The following SNAPC4 variants were observed in gnomAD, a reference collection of about 807,000 sequenced individuals.
SNAPC4 encodes the protein snRNA-activating protein complex subunit 4.
A neutral mutation model predicts 151.3 loss-of-function variants in SNAPC4; 127 were observed. That is an observed-to-expected ratio of 0.84 (90% confidence interval 0.73 to 0.97). The LOEUF is 0.97. SNAPC4 is among the 50% of genes least tolerant of loss of function. The probability of loss-of-function intolerance (pLI) is 0.00; values close to 1 mark genes in which losing one functional copy is unlikely to be tolerated. For synonymous variants in SNAPC4, 1,002 were observed against 824.4 expected, an observed-to-expected ratio of 1.22 and a Z score of -3.69; for missense variants, 2,186 against 1,935.0, an observed-to-expected ratio of 1.13 and a Z score of -2.43.
Position 136,380,902 on chromosome 9 carries a change from G to A in SNAPC4, c.2389-52C>T, listed in dbSNP as rs775668950. 67 of 1,118,484 alleles carry A rather than the reference G, an allele frequency of 6.0e-5. No individual in the cohort carries two copies. In the Middle Eastern group the frequency reaches 1.9e-3, roughly 32 times the overall value. 69.3% of individuals were successfully genotyped at this position (1,118,484 alleles called of 1,614,324 possible). On this transcript the variant is annotated intron_variant, in intron 19 of 23. Coordinates refer to ENST00000684778, the MANE Select transcript of SNAPC4 (RefSeq NM_003086.4). Reference sequence around the variant, plus strand: ...CATAGCTGCTTTCGGGAGCAGCTCCGAAGCTCCAGAGGCCTAGGCAGAACC... The same window carrying A: ...CATAGCTGCTTTCGGGAGCAGCTCCAAAGCTCCAGAGGCCTAGGCAGAACC...
intron 4 of SNAPC4, 32 bp from the exon 5 acceptor site, chr9:136,395,455 T>C (rs1319495051): frequency 2.5e-6 from 4 of 1,605,356 alleles, no homozygotes; most frequent in Non-Finnish European, 2.6e-6. Context: ...GACCCCTCTA[T>C]GGACCAGCAG....
chr9:136,391,827 A>T, intron 10 of SNAPC4, 115 bp downstream of exon 10: 1 of 1,167,656 alleles, frequency 8.6e-7, no homozygotes, highest in Non-Finnish European at 1.2e-6. Flanking sequence ...GGCAACACAT[A>T]GAAACCTGGC....
In SNAPC4 at chr9:136,378,418, G is replaced by A. The variant is rs769165497; in HGVS notation, c.3409C>T (p.Pro1137Ser). ...APALSSSWQP[P>S]ANMNREPEPS... ...TCCGGTTCCCTGTTCATATTGGCTG[G>A]GGGCTGCCAAGAGCTGCTCAACGCT... Residue 1137 changes from proline to serine, a missense_variant, in exon 22 of 24, where the codon CCA becomes TCA. Pro to Ser is a moderately conservative substitution (Grantham distance 74, BLOSUM62 -1). Coordinates refer to ENST00000684778, the MANE Select transcript of SNAPC4 (RefSeq NM_003086.4). The A allele has an allele frequency of 1.2e-5, 19 of 1,603,056 alleles. No individual in the cohort carries two copies. The African/African-American group carries it at 2.4e-4, about 20-fold the overall frequency.
At chr9:136,379,945 C>A in intron 20 of SNAPC4, 81 bp from the exon 21 acceptor site, 1 of 1,471,554 alleles carries the variant, frequency 6.8e-7, no homozygotes, top group South Asian at 1.2e-5. Context: ...CTGGACTATC[C>A]CCTGCCACTC....
rs766970879 is a variant in SNAPC4 at position 136,383,290 on chromosome 9, G to A, written c.1879C>T (p.Pro627Ser). The change falls in exon 16 of 24, where the codon CCG becomes TCG. Residue 627 changes from proline to serine, a missense_variant. Coordinates refer to ENST00000684778, the MANE Select transcript of SNAPC4 (RefSeq NM_003086.4). This position sits in a 1 kb window ranked among gnomAD's most constrained non-coding sequence, Gnocchi z 4.2. ...TGGGCCCTGGCAGGGACCTGCACCG[G>A]ACTCGTCTCCTCTCCAGGAGCCGCG... Reference protein sequence around the residue: ...TAAAPGEETSPVQVPARAHGP... With the variant: ...TAAAPGEETSSVQVPARAHGP... The A allele has an allele frequency of 1.7e-5, 28 of 1,612,128 alleles. No homozygotes were observed. In the South Asian group the frequency reaches 3.0e-4, roughly 17 times the overall value.
intron 13 of SNAPC4, among the ~76,000 whole-genome samples, chr9:136,385,722 G>A (rs1833867817): frequency 6.6e-6 from 1 of 151,932 alleles, no homozygotes; most frequent in South Asian, 2.1e-4. Flanking sequence ...TGTGTGGCTA[G>A]TTTTTGTATT....
At position 136,378,349 on chromosome 9, in the gene SNAPC4, G is replaced by C. The variant is rs372237185; in HGVS notation, c.3478C>G (p.Leu1160Val). 56 of 1,609,174 alleles carry C rather than the reference G, an allele frequency of 3.5e-5. No homozygotes were observed. In the East Asian group the frequency reaches 6.3e-4, roughly 18 times the overall value. Reference sequence around the variant, plus strand: ...TCCGCTTCTGCAGGACTTTGGGAGAGGGCGTGTGTGGGAGGAGCTGGGGTG... The same window carrying C: ...TCCGCTTCTGCAGGACTTTGGGAGACGGCGTGTGTGGGAGGAGCTGGGGTG... ...TDTPAPPTHALSQSPAEADGS... is the reference protein window; with the variant it reads ...TDTPAPPTHAVSQSPAEADGS... Residue 1160 changes from leucine to valine, a missense_variant, in exon 22 of 24, where the codon CTC becomes GTC. Leu to Val is a conservative substitution (Grantham distance 32). Coordinates refer to ENST00000684778, the MANE Select transcript of SNAPC4 (RefSeq NM_003086.4).
At chr9:136,379,704 G>A (rs1833617705) in intron 21 of SNAPC4, 133 bp downstream of exon 21, 5 of 854,894 alleles carry the variant, frequency 5.8e-6, no homozygotes, top group South Asian at 5.8e-5. Flanking sequence ...TGGGACTCGA[G>A]GGAGCTCTGT....
In SNAPC4 at chr9:136,376,625, GGCACTCCTGGGGCCACACGTGACTGT is replaced by G. The variant is rs1588733011; in HGVS notation, c.4285-170_4285-145del. 8 of 907,142 alleles carry G rather than the reference GGCACTCCTGGGGCCACACGTGACTGT, an allele frequency of 8.8e-6. No individual in the cohort carries two copies. In the East Asian group the frequency reaches 1.7e-4, roughly 20 times the overall value. 56.2% of individuals were successfully genotyped at this position (907,142 alleles called of 1,614,324 possible). On this transcript the variant is annotated intron_variant, in intron 22 of 23. Coordinates refer to ENST00000684778, the MANE Select transcript of SNAPC4 (RefSeq NM_003086.4). ...CTCAGCTCAGGCGGGAGCTGCTCCAGGCACTCCTGGGGCCACACGTGACTGTGCACTCCCTCCCTCGGGGGCTCTGA... is the reference window on the plus strand; with the variant it reads ...CTCAGCTCAGGCGGGAGCTGCTCCAGGCACTCCCTCCCTCGGGGGCTCTGA...
At chr9:136,382,214 C>T (rs769629223) in intron 17 of SNAPC4, 39 bp downstream of exon 17, 28 of 1,606,546 alleles carry the variant, frequency 1.7e-5, no homozygotes, top group East Asian at 8.9e-5. Context: ...GGGCGGGGCA[C>T]GTGGTGGCGT....
intron 10 of SNAPC4, among the ~76,000 whole-genome samples, chr9:136,390,704 C>T (rs140686813): frequency 4.5e-4 from 68 of 151,774 alleles, no homozygotes; most frequent in Middle Eastern, 6.8e-3. Context: ...CCTGCACACA[C>T]AGCCCTGAAC....
chr9:136,395,239 C>A, intron 5 of SNAPC4, 59 bp downstream of exon 5: 1 of 1,572,156 alleles, frequency 6.4e-7, no homozygotes, highest in Non-Finnish European at 8.6e-7. Context: ...GACTTGGGGA[C>A]AAGAACCCTT....
In SNAPC4 at chr9:136,383,243, G is replaced by A. The variant is rs768935930; in HGVS notation, c.1926C>T (p.Ala642=). The part of the protein sequence containing the change: ...ARAHGPVPRS[A]QASHSADTRP... ...GAGTGTCTGCTGAGTGGGAGGCCTG[G>A]GCAGACCTCGGGACAGGGCCGTGGG... Residue 642 remains alanine (A), a synonymous_variant, in exon 16 of 24, where the codon GCC becomes GCT. Transcript: ENST00000684778. The surrounding 1 kb of genome is among the most constrained non-coding windows in gnomAD (Gnocchi z 4.2). 6.3e-7 allele frequency: 1 copy of A among 1,595,614 alleles called. No homozygotes were observed. Among genetic ancestry groups the A allele is most frequent in the Non-Finnish European group, 8.5e-7 (1 of 1,171,754 alleles).
intron 13 of SNAPC4, 102 bp downstream of exon 13, chr9:136,387,383 A>G: frequency 4.7e-6 from 4 of 846,360 alleles, no homozygotes; most frequent in Non-Finnish European, 4.0e-6. Context: ...TCCCTCGCCC[A>G]GCGCTGGCCG....
At position 136,379,825 on chromosome 9, in the gene SNAPC4, A is replaced by C; in HGVS notation, c.2527+12T>G. ...AGGTCTCTTCCCCACCAGGGCAGAG[A>C]AGCAGAGTTACCTGGGGTGCTCTGG... On this transcript the variant is annotated intron_variant, in intron 21 of 23. Transcript: ENST00000684778. 4 of 1,613,016 alleles carry C rather than the reference A, an allele frequency of 2.5e-6. No homozygotes were observed. The highest frequency in any genetic ancestry group is 1.7e-4 in the Middle Eastern group (1 of 6,058).
Position 136,377,799 on chromosome 9 carries a change from G to A in SNAPC4, c.4028C>T (p.Ala1343Val), listed in dbSNP as rs751596054. ...VGGEAERPAGALQASLGLVRG... is the reference protein window; with the variant it reads ...VGGEAERPAGVLQASLGLVRG... Reference sequence around the variant, plus strand: ...CACCAGCCCCAGTGAGGCTTGCAGTGCTCCGGCCGGCCGCTCAGCCTCGCC... The same window carrying A: ...CACCAGCCCCAGTGAGGCTTGCAGTACTCCGGCCGGCCGCTCAGCCTCGCC... Residue 1343 changes from alanine (A) to valine (V), a missense_variant, in exon 22 of 24, where the codon GCA (alanine) becomes GTA (valine). By Grantham distance (64) the Ala-to-Val change is moderately conservative. Coordinates refer to ENST00000684778, the MANE Select transcript of SNAPC4 (RefSeq NM_003086.4). The A allele has an allele frequency of 2.5e-6, 4 of 1,611,650 alleles. No homozygotes were observed. In the East Asian group the frequency reaches 8.9e-5, roughly 36 times the overall value.
intron 5 of SNAPC4, 54 bp from the exon 6 acceptor site, chr9:136,394,932 G>T: frequency 6.7e-7 from 1 of 1,495,804 alleles, no homozygotes; most frequent in Non-Finnish European, 9.3e-7. Flanking sequence ...CTCCCTGCAG[G>T]CCCAGCACAT....
chr9:136,390,851 T>A (rs1335181590), intron 10 of SNAPC4, among the ~76,000 whole-genome samples: 1 of 151,890 alleles, frequency 6.6e-6, no homozygotes, highest in Admixed American at 6.6e-5. Flanking sequence ...TTTTTTTTTT[T>A]TTTGAGACGG....
chr9:136,376,715 C>G (rs1315403245), intron 22 of SNAPC4, among the ~76,000 whole-genome samples: 1 of 152,184 alleles, frequency 6.6e-6, no homozygotes, highest in South Asian at 2.1e-4. Context: ...CTCCCACTCC[C>G]CCATGGGACA....
Sources: allele counts gnomAD v4.1 joint callset (sites outside exome capture counted in the v4.1 genomes callset), GRCh38; gene constraint gnomAD v4.1.1; non-coding constraint Gnocchi (gnomAD v3.1); transcripts MANE v1.5; gene names NCBI Gene and HGNC (gene_info 2026-07-23, HGNC 2026-07-21).